Variants in PROX1 observed in about 807,000 individuals in gnomAD.
PROX1 encodes the protein prospero homeobox protein 1.
In PROX1, 7 loss-of-function variants were observed where a neutral mutation model predicts 58.8. The observed-to-expected ratio is 0.12, with a 90% CI of 0.07 to 0.22. The LOEUF (loss-of-function observed/expected upper bound fraction) is 0.22. Among genes scored for constraint, PROX1 ranks in the 10% least tolerant of loss-of-function variants. The pLI is 1.00. For missense variants in PROX1, 675 were observed against 927.8 expected, an observed-to-expected ratio of 0.73 and a Z score of 3.54; for synonymous variants, 350 against 358.3, an observed-to-expected ratio of 0.98 and a Z score of 0.26.
At position 213,997,052 on chromosome 1, in the gene PROX1, A is replaced by G. The variant is rs1475834323; in HGVS notation, c.517A>G (p.Ile173Val). 6.2e-7 allele frequency: 1 copy of G among 1,614,106 alleles called. No homozygotes were observed. The highest frequency in any genetic ancestry group is 1.7e-5 in the Admixed American group (1 of 60,016). ...RAKRARVENIIRGMSHSPSVA... is the reference protein window; with the variant it reads ...RAKRARVENIVRGMSHSPSVA... ...AAAGCGCGCCCGGGTTGAGAATATA[A>G]TTCGGGGTATGAGCCATTCCCCCAG... is the stretch of plus-strand genomic sequence containing the variant. The change falls in exon 2 of 5, where the codon ATT becomes GTT. Residue 173 changes from isoleucine (I) to valine (V), a missense_variant. By Grantham distance (29) the Ile-to-Val change is conservative (BLOSUM62 3). Coordinates refer to ENST00000366958, the MANE Select transcript of PROX1 (RefSeq NM_001270616.2). This position sits in a 1 kb window ranked among gnomAD's most constrained non-coding sequence, Gnocchi z 7.1.
chr1:213,994,372 A>T (rs1663148098), intron 1 of PROX1, among the ~76,000 whole-genome samples: 1 of 152,222 alleles, frequency 6.6e-6, no homozygotes, highest in African/African-American at 2.4e-5. Context: ...TTTAAAAATA[A>T]GGGCAATAAG....
chr1:214,018,234 T>C (rs1664162362), intron 4 of PROX1, among the ~76,000 whole-genome samples: 1 of 152,218 alleles, frequency 6.6e-6, no homozygotes, highest in South Asian at 2.1e-4. Context: ...TGTTTGGTTC[T>C]TTGTCAGTCA....
Position 214,039,968 on chromosome 1 carries a change from T to C in PROX1, c.*4134T>C, listed in dbSNP as rs1664960195. 1 of 152,210 alleles carries C rather than the reference T, an allele frequency of 6.6e-6. No homozygotes were observed. The highest frequency in any genetic ancestry group is 2.4e-5 in the African/African-American group (1 of 41,460). The allele number at this position is 152,210 out of a possible 1,614,324, so 9.4% of individuals were successfully genotyped here. On this transcript the variant is annotated 3_prime_UTR_variant, in exon 5 of 5. Transcript: ENST00000366958. ...AGAAGCAGTGTATATGTGAAGACAG[T>C]GCAAAAATCTCTTTGCCATGTATAT...
chr1:213,993,702 A>C lies in PROX1; in HGVS notation c.-67-2767A>C, dbSNP rs1038088807. 3.3e-5 allele frequency among the ~76,000 whole-genome samples: 5 copies of C among 152,342 alleles called. 1 individual carries two copies. The Middle Eastern group carries it at 0.01, about 311-fold the overall frequency. On this transcript the variant is annotated intron_variant, in intron 1 of 4. Transcript: ENST00000366958. ...ACCACTATACTTTTATTTCTAAATTAAATCTAAGCTATATGGAGAGATATA... is the reference window on the plus strand; with the variant it reads ...ACCACTATACTTTTATTTCTAAATTCAATCTAAGCTATATGGAGAGATATA...
At chr1:214,024,980 A>C (rs1236701310) in intron 4 of PROX1, among the ~76,000 whole-genome samples, 2 of 152,210 alleles carry the variant, frequency 1.3e-5, no homozygotes, top group Non-Finnish European at 2.9e-5. Context: ...TTAAAGGGGA[A>C]TTTGTTAACA....
chr1:214,017,206 C>T (rs1308674880), intron 4 of PROX1, among the ~76,000 whole-genome samples: 1 of 152,016 alleles, frequency 6.6e-6, no homozygotes, highest in Non-Finnish European at 1.5e-5. Flanking sequence ...GGGAGGGTCT[C>T]ATCTTTCCTT....
chr1:214,024,893 T>C (rs1309035981), intron 4 of PROX1, among the ~76,000 whole-genome samples: 1 of 152,194 alleles, frequency 6.6e-6, no homozygotes, highest in Admixed American at 6.5e-5. Context: ...CCAGTAATTG[T>C]AGCAAAAGTT....
At chr1:213,993,727 A>G (rs895958680) in intron 1 of PROX1, among the ~76,000 whole-genome samples, 4 of 152,204 alleles carry the variant, frequency 2.6e-5, no homozygotes, top group Non-Finnish European at 5.9e-5. Context: ...GGAGAGATAT[A>G]TTTATTTGTG....
intron 2 of PROX1, among the ~76,000 whole-genome samples, chr1:214,001,361 T>C (rs1055252890): frequency 2.0e-5 from 3 of 152,226 alleles, no homozygotes; most frequent in Non-Finnish European, 4.4e-5. Context: ...AATGAATCTG[T>C]TTAATCAAAT....
upstream of PROX1, chr1:213,984,823 C>G (rs1031065243): frequency 3.3e-5 from 5 of 152,808 alleles, no homozygotes; most frequent in African/African-American, 1.2e-4. Flanking sequence ...TTTTGCCTCT[C>G]AACTGAATCT....
chr1:214,015,259 C>T (rs899419804), intron 4 of PROX1, among the ~76,000 whole-genome samples: 9 of 152,024 alleles, frequency 5.9e-5, no homozygotes, highest in Non-Finnish European at 8.8e-5. Flanking sequence ...TGCTTCTGTG[C>T]GTGAGTGTGT....
intron 4 of PROX1, among the ~76,000 whole-genome samples, chr1:214,025,864 A>G (rs1019994755): frequency 4.6e-5 from 7 of 151,984 alleles, no homozygotes; most frequent in African/African-American, 1.7e-4. Flanking sequence ...GGGTTTCACC[A>G]TCTTGGCCAG....
intron 2 of PROX1, among the ~76,000 whole-genome samples, chr1:214,000,674 GTATAT>G (rs1663474471): frequency 6.6e-6 from 1 of 151,982 alleles, no homozygotes; most frequent in Non-Finnish European, 1.5e-5. Context: ...TATCTCATTG[GTATAT>G]TATTTCTCAG....
chr1:213,990,321 G>C (rs527760128), intron 1 of PROX1, among the ~76,000 whole-genome samples: 1 of 151,124 alleles, frequency 6.6e-6, no homozygotes, highest in East Asian at 2.0e-4. Flanking sequence ...CACAATGCTT[G>C]CTCGAGGGTT....
Position 213,996,856 on chromosome 1 carries a change from G to A in PROX1, c.321G>A (p.Thr107=), listed in dbSNP as rs372904856. ...LKNNMNKNGG[T]EPSFQASGLS... Reference sequence around the variant, plus strand: ...ATAACATGAACAAAAATGGTGGCACGGAGCCCAGTTTCCAAGCCAGCGGTC... The same window carrying A: ...ATAACATGAACAAAAATGGTGGCACAGAGCCCAGTTTCCAAGCCAGCGGTC... The change falls in exon 2 of 5, where the codon ACG becomes ACA. Residue 107 remains threonine, a synonymous_variant. Coordinates refer to ENST00000366958, the MANE Select transcript of PROX1 (RefSeq NM_001270616.2). 8 of 1,614,026 alleles carry A rather than the reference G, an allele frequency of 5.0e-6. No homozygotes were observed. In the South Asian group the frequency reaches 5.5e-5, roughly 11 times the overall value.
intron 4 of PROX1, among the ~76,000 whole-genome samples, chr1:214,026,549 AC>A (rs1181998471): frequency 1.3e-5 from 2 of 152,248 alleles, no homozygotes; most frequent in Non-Finnish European, 2.9e-5. Context: ...CTTTTCTATT[AC>A]CTGAAAGTCA....
chr1:213,983,475 G>T (rs1662749325), upstream of PROX1, among the ~76,000 whole-genome samples: 1 of 152,214 alleles, frequency 6.6e-6, no homozygotes, highest in Admixed American at 6.5e-5. Context: ...GGTGCCCAGA[G>T]GCTTTGCGTA....
At position 214,040,202 on chromosome 1, in the gene PROX1, T is replaced by C. The variant is rs1007151508; in HGVS notation, c.*4368T>C. ...CTGTAGATCTGTTGGTTGTAAACCA[T>C]CTATAAAACTAAAGCTAAAATGCTC... is the stretch of plus-strand genomic sequence containing the variant. On this transcript the variant is annotated 3_prime_UTR_variant, in exon 5 of 5. Coordinates refer to ENST00000366958, the MANE Select transcript of PROX1 (RefSeq NM_001270616.2). The C allele has an allele frequency of 2.0e-5, 3 of 152,188 alleles. No individual in the cohort carries two copies. The highest frequency in any genetic ancestry group is 2.4e-5 in the African/African-American group (1 of 41,432). 9.4% of individuals were successfully genotyped at this position (152,188 alleles called of 1,614,324 possible).
In PROX1 at chr1:213,996,718, T is replaced by C. The variant is rs148422967; in HGVS notation, c.183T>C (p.His61=). The change falls in exon 2 of 5, where the codon CAT becomes CAC. Residue 61 remains histidine, a synonymous_variant. Coordinates refer to ENST00000366958, the MANE Select transcript of PROX1 (RefSeq NM_001270616.2). ...EQDVEYSVVQ[H]ADGEKSNVLR... ...ATGTTGAGTATTCAGTGGTGCAGCA[T>C]GCAGATGGGGAAAAGTCAAATGTAC... 2.4e-4 allele frequency: 392 copies of C among 1,614,078 alleles called. No homozygotes were observed. Among genetic ancestry groups the C allele is most frequent in the Non-Finnish European group, 2.4e-4 (283 of 1,180,052 alleles).
Sources: allele counts gnomAD v4.1 joint callset (sites outside exome capture counted in the v4.1 genomes callset), GRCh38; gene constraint gnomAD v4.1.1; non-coding constraint Gnocchi (gnomAD v3.1); transcripts MANE v1.5; gene names NCBI Gene and HGNC (gene_info 2026-07-23, HGNC 2026-07-21).